The following NREP variants were observed in gnomAD, a reference collection of about 807,000 sequenced individuals.
NREP encodes the protein neuronal regeneration related protein.
In NREP, 5 loss-of-function variants were observed where a neutral mutation model predicts 8.6. The ratio of observed to expected loss-of-function variants is 0.58; its 90% confidence interval spans 0.30 to 1.22. NREP has a LOEUF of 1.22. Ranked by LOEUF, NREP falls within the 50% of genes most tolerant of loss-of-function variation. The probability of loss-of-function intolerance (pLI) is 0.07; values close to 1 mark genes in which losing one functional copy is unlikely to be tolerated. For missense variants in NREP, 86 were observed against 82.5 expected, an observed-to-expected ratio of 1.04 and a Z score of -0.17; for synonymous variants, 27 against 28.0, an observed-to-expected ratio of 0.96 and a Z score of 0.11.
At chr5:111,922,825 T>C (rs1755283188) in intron 2 of NREP, among the ~76,000 whole-genome samples, 1 of 152,070 alleles carries the variant, frequency 6.6e-6, no homozygotes, top group African/African-American at 2.4e-5. Context: ...GCCCATTCTG[T>C]TTCTGCAGGA....
intron 2 of NREP, among the ~76,000 whole-genome samples, chr5:111,746,074 A>G (rs1335433234): frequency 1.3e-5 from 2 of 152,132 alleles, no homozygotes; most frequent in Non-Finnish European, 2.9e-5. Context: ...TCTAAACAAC[A>G]TAATAGCTCA....
rs542787522 is a variant in NREP, at chr5:111,798,603, A to G, written c.136-63096T>C. Among the ~76,000 whole-genome samples, 8 of 152,246 alleles carry G rather than the reference A, an allele frequency of 5.3e-5. No individual in the cohort carries two copies. In the East Asian group the frequency reaches 1.5e-3, roughly 29 times the overall value. On this transcript the variant is annotated intron_variant, in intron 2 of 3. Coordinates refer to the NREP transcript ENST00000395634. ...AGTCCTCATAGTTTAGGGCCCATATATGAATGAGAACATACAATGTTTGAT... is the reference window on the plus strand; with the variant it reads ...AGTCCTCATAGTTTAGGGCCCATATGTGAATGAGAACATACAATGTTTGAT...
chr5:111,949,912 T>G (rs1326221284), intron 2 of NREP, among the ~76,000 whole-genome samples: 1 of 152,080 alleles, frequency 6.6e-6, no homozygotes, highest in South Asian at 2.1e-4. Flanking sequence ...GTCTTTATGG[T>G]AGAATGATTT....
At chr5:111,964,875 A>T (rs1344802507) in intron 2 of NREP, among the ~76,000 whole-genome samples, 1,396 of 122,844 alleles carry the variant, frequency 0.011, 10 homozygotes, top group East Asian at 0.018. Flanking sequence ...AAAAAAAAAA[A>T]AAAAAAAAAA....
intron 2 of NREP, among the ~76,000 whole-genome samples, chr5:111,769,197 C>G (rs1443366779): frequency 6.6e-6 from 1 of 152,114 alleles, no homozygotes; most frequent in African/African-American, 2.4e-5. Flanking sequence ...GTGGTTACTC[C>G]CCACAGCACT....
intron 2 of NREP, among the ~76,000 whole-genome samples, chr5:111,895,884 G>C (rs1056387772): frequency 6.6e-6 from 1 of 152,106 alleles, no homozygotes; most frequent in Non-Finnish European, 1.5e-5. Context: ...TGGGCAAAAT[G>C]CTTAACTCAT....
chr5:111,925,973 T>A, intron 2 of NREP, among the ~76,000 whole-genome samples: 1 of 152,320 alleles, frequency 6.6e-6, no homozygotes, highest in East Asian at 1.9e-4. Context: ...ATTTTTCTGC[T>A]GCCTGCAGAG....
chr5:111,964,855 CAAAAA>C (rs58877839), intron 2 of NREP, among the ~76,000 whole-genome samples: 6 of 44,870 alleles, frequency 1.3e-4, no homozygotes, highest in African/African-American at 3.2e-4. Flanking sequence ...CTTTCAGCAG[CAAAAA>C]AAAAAAAAAA....
At position 111,771,699 on chromosome 5, in the gene NREP, G is replaced by T. The variant is rs186229903; in HGVS notation, c.136-36192C>A. Reference sequence around the variant, plus strand: ...AATAGCTTGAACCCGGGAGGTGGAGGTTGTGGTGAGCCAAGATCATGCCAT... The same window carrying T: ...AATAGCTTGAACCCGGGAGGTGGAGTTTGTGGTGAGCCAAGATCATGCCAT... On this transcript the variant is annotated intron_variant, in intron 2 of 3. Coordinates refer to the NREP transcript ENST00000395634. Among the ~76,000 whole-genome samples the T allele has an allele frequency of 2.7e-5, 4 of 150,786 alleles. No homozygotes were observed. The East Asian group carries it at 7.8e-4, about 29-fold the overall frequency.
chr5:111,845,857 C>CA (rs553513873), intron 2 of NREP, among the ~76,000 whole-genome samples: 2,570 of 129,994 alleles, frequency 0.02, 63 homozygotes, highest in African/African-American at 0.049. Flanking sequence ...GTAATTCTAC[C>CA]AAAAAAAAAA....
chr5:111,819,860 C>T (rs1191223676), intron 2 of NREP, among the ~76,000 whole-genome samples: 1 of 152,132 alleles, frequency 6.6e-6, no homozygotes, highest in Non-Finnish European at 1.5e-5. Flanking sequence ...TATTTCAGGA[C>T]TACACTTGGA....
intron 2 of NREP, chr5:111,738,605 G>C (rs1199428298): frequency 7.6e-6 from 1 of 131,502 alleles, no homozygotes; most frequent in African/African-American, 2.5e-5. Flanking sequence ...ACACTGTTAG[G>C]TTGTGGGAAT....
At chr5:111,836,336 G>T (rs1561686597) in intron 2 of NREP, among the ~76,000 whole-genome samples, 1 of 152,092 alleles carries the variant, frequency 6.6e-6, no homozygotes, top group South Asian at 2.1e-4. Flanking sequence ...AGAACGAGTA[G>T]ATCTGAATAT....
intron 2 of NREP, among the ~76,000 whole-genome samples, chr5:111,935,321 C>G (rs1018515752): frequency 2.0e-5 from 3 of 152,026 alleles, no homozygotes; most frequent in African/African-American, 4.8e-5. Context: ...TCAACTTACC[C>G]CAGCACGGCT....
chr5:111,870,113 G>A (rs888484388), intron 2 of NREP, among the ~76,000 whole-genome samples: 1 of 152,158 alleles, frequency 6.6e-6, no homozygotes, highest in African/African-American at 2.4e-5. Flanking sequence ...GAACAACTAA[G>A]GCTTTTTAGC....
chr5:111,780,843 T>G (rs1269757960), intron 2 of NREP, among the ~76,000 whole-genome samples: 1 of 152,188 alleles, frequency 6.6e-6, no homozygotes, highest in Non-Finnish European at 1.5e-5. Context: ...TTTTCCAATG[T>G]GAAGTTGACA....
At chr5:111,838,712 T>C (rs1054213919) in intron 2 of NREP, among the ~76,000 whole-genome samples, 12 of 151,820 alleles carry the variant, frequency 7.9e-5, no homozygotes, top group African/African-American at 2.4e-4. Context: ...ATGATATATA[T>C]ATATGTGTGT....
chr5:111,817,825 A>C (rs1752428945), intron 2 of NREP, among the ~76,000 whole-genome samples: 1 of 149,816 alleles, frequency 6.7e-6, no homozygotes, highest in Non-Finnish European at 1.5e-5. Context: ...AAAAAAAAAA[A>C]GGTTATACAT....
intron 2 of NREP, among the ~76,000 whole-genome samples, chr5:111,819,091 G>A (rs1475196625): frequency 2.0e-5 from 3 of 151,960 alleles, no homozygotes; most frequent in East Asian, 1.9e-4. Context: ...TAACTTCCTG[G>A]TTCTCTTTAC....
Sources: gnomAD v4.1 joint callset for allele counts (sites outside exome capture counted in the v4.1 genomes callset) on GRCh38, gnomAD v4.1.1 for gene constraint, MANE v1.5 for transcripts, NCBI Gene and HGNC (gene_info 2026-07-23, HGNC 2026-07-21) for gene names.